The following SRPK2 variants were observed in gnomAD, a reference collection of about 807,000 sequenced individuals.
SRPK2 encodes SRSF protein kinase 2.
In SRPK2, 21 loss-of-function variants were observed where a neutral mutation model predicts 90.8. The ratio of observed to expected loss-of-function variants is 0.23; its 90% confidence interval spans 0.16 to 0.33. SRPK2 has a LOEUF of 0.33. SRPK2 is among the 10% of genes least tolerant of loss of function. SRPK2 has a pLI of 1.00. For synonymous variants in SRPK2, 288 were observed against 311.1 expected, an observed-to-expected ratio of 0.93 and a Z score of 0.78; for missense variants, 620 against 869.0, an observed-to-expected ratio of 0.71 and a Z score of 3.60.
Position 105,168,070 on chromosome 7 carries a change from C to T in SRPK2, c.364G>A (p.Val122Ile). ...GTATAATGCTGGGCACTTTTTACAA[C>T]TTTCATTGCAACAAATCTTTTCCCC... is the stretch of plus-strand genomic sequence containing the variant. ...MQGKRFVAMK[V>I]VKSAQHYTET... Residue 122 changes from valine (V) to isoleucine (I), a missense_variant, in exon 5 of 16, where the codon GTT (valine) becomes ATT (isoleucine). Physicochemically the swap from Val to Ile is conservative, Grantham distance 29. Transcript: ENST00000393651. The T allele has an allele frequency of 6.2e-7, 1 of 1,612,406 alleles. No homozygotes were observed. The highest frequency in any genetic ancestry group is 1.1e-5 in the South Asian group (1 of 90,652).
chr7:105,363,151 C>T (rs552996762), intron 2 of SRPK2, among the ~76,000 whole-genome samples: 1 of 151,528 alleles, frequency 6.6e-6, no homozygotes, highest in East Asian at 1.9e-4. Flanking sequence ...TAAAGCTGCA[C>T]GTTGTGCACA....
chr7:105,367,506 A>C (rs552404203), intron 2 of SRPK2, among the ~76,000 whole-genome samples: 1 of 151,624 alleles, frequency 6.6e-6, no homozygotes, highest in Admixed American at 6.6e-5. Context: ...CAAGCAATCC[A>C]CCCACCTCAG....
chr7:105,218,292 T>C (rs931703786), intron 2 of SRPK2, among the ~76,000 whole-genome samples: 3 of 152,240 alleles, frequency 2.0e-5, no homozygotes, highest in Admixed American at 2.0e-4. Context: ...TATAACACAA[T>C]AGTTCTCAAA....
At chr7:105,274,368 C>T (rs8180735) in intron 2 of SRPK2, among the ~76,000 whole-genome samples, 25,358 of 151,916 alleles carry the variant, frequency 0.17, 2,742 homozygotes, top group East Asian at 0.58. Context: ...TCAAGACCGG[C>T]CTGGCCAAGA....
intron 2 of SRPK2, among the ~76,000 whole-genome samples, chr7:105,302,657 T>C (rs1211458783): frequency 6.6e-6 from 1 of 152,178 alleles, no homozygotes; most frequent in Non-Finnish European, 1.5e-5. Flanking sequence ...TTCCCTTTAA[T>C]AAATTAATAT....
At chr7:105,330,391 A>T (rs1187814617) in intron 2 of SRPK2, among the ~76,000 whole-genome samples, 1 of 151,780 alleles carries the variant, frequency 6.6e-6, no homozygotes, top group East Asian at 1.9e-4. Flanking sequence ...AAAATAAAAT[A>T]AAACCAGTAA....
At chr7:105,351,817 AAAGAAG>A (rs371837953) in intron 2 of SRPK2, among the ~76,000 whole-genome samples, 3,187 of 147,356 alleles carry the variant, frequency 0.022, 114 homozygotes, top group African/African-American at 0.078. Context: ...AAAAAAAAAA[AAAGAAG>A]AAGAAGAAGA....
chr7:105,295,619 G>A (rs192796628), intron 2 of SRPK2, among the ~76,000 whole-genome samples: 7 of 152,292 alleles, frequency 4.6e-5, no homozygotes, highest in African/African-American at 1.7e-4. Context: ...GGGCCAGGAA[G>A]GGAAAATGGG....
chr7:105,165,519 T>C (rs1259650712), intron 6 of SRPK2, among the ~76,000 whole-genome samples: 1 of 152,128 alleles, frequency 6.6e-6, no homozygotes, highest in Non-Finnish European at 1.5e-5. Flanking sequence ...GCTCTGTGTC[T>C]AGCTAAAGGA....
chr7:105,275,191 T>A lies in SRPK2; in HGVS notation c.72-71406A>T, dbSNP rs191028294. ...ATGAGCCACAGCACCCAGCCAGTGATTGGCTTTCCTTGTGGAGAGCAGCAG... is the reference window on the plus strand; with the variant it reads ...ATGAGCCACAGCACCCAGCCAGTGAATGGCTTTCCTTGTGGAGAGCAGCAG... On this transcript the variant is annotated intron_variant, in intron 2 of 15. Coordinates refer to ENST00000393651, the MANE Select transcript of SRPK2 (RefSeq NM_182692.3). Among the ~76,000 whole-genome samples the A allele has an allele frequency of 4.3e-4, 66 of 152,326 alleles. No homozygotes were observed. The East Asian group carries it at 0.011, about 25-fold the overall frequency.
At chr7:105,189,826 C>G (rs1344507985) in intron 3 of SRPK2, 2 of 152,574 alleles carry the variant, frequency 1.3e-5, no homozygotes, top group African/African-American at 4.8e-5. Flanking sequence ...GTCTTTTTGA[C>G]TAGAAGTTCT....
chr7:105,356,460 T>C (rs1002776225), intron 2 of SRPK2, among the ~76,000 whole-genome samples: 1 of 152,188 alleles, frequency 6.6e-6, no homozygotes, highest in Non-Finnish European at 1.5e-5. Context: ...GTTTAGAGTG[T>C]TGTGACAATT....
rs1310820984 is a variant in SRPK2, at chr7:105,167,526, AT to A, written c.427-63del. On this transcript the variant is annotated intron_variant, in intron 5 of 15. Transcript: ENST00000393651. ...TTGAGACAAAGCATGTTTTCCCATT[AT>A]AACACCAATACTGTTTAAATAAAAG... The A allele has an allele frequency of 4.6e-6, 5 of 1,081,028 alleles. No homozygotes were observed. The Admixed American group carries it at 6.9e-5, about 15-fold the overall frequency. 67.0% of individuals were successfully genotyped at this position (1,081,028 alleles called of 1,614,324 possible).
At chr7:105,376,384 A>G (rs1207740189) in intron 2 of SRPK2, among the ~76,000 whole-genome samples, 1 of 151,570 alleles carries the variant, frequency 6.6e-6, no homozygotes, top group Admixed American at 6.6e-5. Flanking sequence ...TAGTCCGTCT[A>G]CCCTCACCCC....
chr7:105,175,296 T>C (rs1791697574), intron 3 of SRPK2, among the ~76,000 whole-genome samples: 1 of 151,594 alleles, frequency 6.6e-6, no homozygotes. Context: ...AAAGAAGAAA[T>C]CAAAAAGAAA....
chr7:105,175,841 T>A (rs1791770240), intron 3 of SRPK2, among the ~76,000 whole-genome samples: 1 of 152,078 alleles, frequency 6.6e-6, no homozygotes, highest in Admixed American at 6.6e-5. Flanking sequence ...AAACCATGTA[T>A]CTATTTTAAA....
intron 2 of SRPK2, among the ~76,000 whole-genome samples, chr7:105,238,277 A>G (rs1800374931): frequency 6.6e-6 from 1 of 152,200 alleles, no homozygotes; most frequent in Admixed American, 6.5e-5. Flanking sequence ...CCTCATCATC[A>G]TCATCCCTTG....
intron 3 of SRPK2, among the ~76,000 whole-genome samples, chr7:105,199,344 G>A (rs1377281830): frequency 6.6e-6 from 1 of 151,986 alleles, no homozygotes; most frequent in Non-Finnish European, 1.5e-5. Context: ...AGTAATTGAG[G>A]GCAGAGACTC....
chr7:105,364,405 G>GAGTTTTTTTTTT lies in SRPK2; in HGVS notation c.71+24242_71+24243insAAAAAAAAAACT, dbSNP rs572930883. Among the ~76,000 whole-genome samples the GAGTTTTTTTTTT allele has an allele frequency of 1.7e-3, 228 of 133,912 alleles. 2 individuals are homozygous for GAGTTTTTTTTTT. The highest frequency in any genetic ancestry group is 6.1e-3 in the African/African-American group (220 of 36,360). 87.9% of individuals were successfully genotyped at this position (133,912 alleles called of 152,430 possible). On this transcript the variant is annotated intron_variant, in intron 2 of 15. Coordinates refer to ENST00000393651, the MANE Select transcript of SRPK2 (RefSeq NM_182692.3). ...CTTTCCATAGCATACCGTGTGTAAC[G>GAGTTTTTTTTTT]TTTTTTTTTTTTTGAGAAGGAGTCT...
Sources: gnomAD v4.1 joint callset for allele counts (sites outside exome capture counted in the v4.1 genomes callset) on GRCh38, gnomAD v4.1.1 for gene constraint, MANE v1.5 for transcripts, NCBI Gene and HGNC (gene_info 2026-07-23, HGNC 2026-07-21) for gene names.